Variants in LRPPRC observed in about 807,000 individuals in gnomAD.
LRPPRC encodes the protein leucine-rich PPR motif-containing protein, mitochondrial.
In LRPPRC, 120 loss-of-function variants were observed where a neutral mutation model predicts 180.3. The observed-to-expected ratio is 0.67, with a 90% CI of 0.57 to 0.77. The LOEUF is 0.77. Ranked by LOEUF, LRPPRC falls within the 30% of genes least tolerant of loss-of-function variation. LRPPRC has a pLI of 0.00. For synonymous variants in LRPPRC, 723 were observed against 600.0 expected, an observed-to-expected ratio of 1.21 and a Z score of -3.00; for missense variants, 2,012 against 1,657.2, an observed-to-expected ratio of 1.21 and a Z score of -3.72.
At chr2:43,960,755 T>C in intron 12 of LRPPRC, 121 bp from the exon 13 acceptor site, 1 of 706,858 alleles carries the variant, frequency 1.4e-6, no homozygotes, top group Non-Finnish European at 2.6e-6. Flanking sequence ...GAAAAATAGA[T>C]AAGCTCAGTA....
At chr2:43,896,061 C>A (rs1035966522) in intron 35 of LRPPRC, among the ~76,000 whole-genome samples, 37 of 151,864 alleles carry the variant, frequency 2.4e-4, no homozygotes, top group African/African-American at 8.5e-4. Context: ...GGCTCATTTA[C>A]CTGATGGTTT....
At chr2:43,969,455 C>A (rs967389597) in intron 11 of LRPPRC, among the ~76,000 whole-genome samples, 12 of 151,464 alleles carry the variant, frequency 7.9e-5, no homozygotes, top group Non-Finnish European at 1.8e-4. Flanking sequence ...CTGGCAGGTG[C>A]TTGTTACACT....
intron 30 of LRPPRC, among the ~76,000 whole-genome samples, chr2:43,906,010 C>T (rs1289697009): frequency 6.6e-6 from 1 of 151,866 alleles, no homozygotes; most frequent in Admixed American, 6.6e-5. Flanking sequence ...ACAAAAGAAA[C>T]AAAGTACAAG....
intron 13 of LRPPRC, among the ~76,000 whole-genome samples, chr2:43,958,771 A>G (rs538756499): frequency 1.1e-4 from 16 of 152,314 alleles, no homozygotes; most frequent in African/African-American, 3.6e-4. Flanking sequence ...TGATGTAGTA[A>G]CCAGTAGTGC....
intron 11 of LRPPRC, among the ~76,000 whole-genome samples, chr2:43,964,668 C>T (rs1304416388): frequency 1.3e-5 from 2 of 151,910 alleles, no homozygotes; most frequent in East Asian, 1.9e-4. Flanking sequence ...AATACCTGCA[C>T]ATTTCTTTTA....
chr2:43,995,068 CAGTCTCTACTAAA>C (rs944362345), intron 1 of LRPPRC, among the ~76,000 whole-genome samples: 8 of 152,060 alleles, frequency 5.3e-5, no homozygotes, highest in Admixed American at 1.3e-4. Context: ...TGGTGAAACC[CAGTCTCTACTAAA>C]AGTACAAAAG....
At chr2:43,918,782 T>TATATATATAGATATATATATATATATAG (rs1558937972) in intron 27 of LRPPRC, among the ~76,000 whole-genome samples, 3 of 35,452 alleles carry the variant, frequency 8.5e-5, no homozygotes, top group Non-Finnish European at 1.3e-4. Context: ...TGGAAATATA[T>TATATATATAGATATATATATATATATAG]ATATATATAG....
chr2:43,892,808 A>T (rs1351824504), intron 36 of LRPPRC: 3 of 143,640 alleles, frequency 2.1e-5, no homozygotes, highest in Non-Finnish European at 3.1e-5. Context: ...ACATAAAATT[A>T]AAAAAAAAAA....
At chr2:43,967,716 T>A (rs901644733) in intron 11 of LRPPRC, among the ~76,000 whole-genome samples, 4 of 152,128 alleles carry the variant, frequency 2.6e-5, no homozygotes, top group Non-Finnish European at 4.4e-5. Context: ...TAATGTTTTT[T>A]AAAATCCCTA....
At chr2:43,974,944 AACTATAAT>A in intron 7 of LRPPRC, 139 bp downstream of exon 7, 1 of 954,540 alleles carries the variant, frequency 1.0e-6, no homozygotes, top group African/African-American at 1.6e-5. Context: ...CGAGATACTA[AACTATAAT>A]AATTCTCCAT....
chr2:43,889,433 G>C (rs1448193067), intron 37 of LRPPRC, among the ~76,000 whole-genome samples: 3 of 151,762 alleles, frequency 2.0e-5, no homozygotes, highest in African/African-American at 4.8e-5. Flanking sequence ...TGAACTACAG[G>C]CCATTAAATC....
rs200686732 is a variant in LRPPRC at position 43,995,941 on chromosome 2, C to T, written c.7G>A (p.Ala3Thr). The T allele has an allele frequency of 7.3e-4, 1,116 of 1,526,144 alleles. 3 individuals carry two copies. Among genetic ancestry groups the T allele is most frequent in the African/African-American group, 1.3e-3 (91 of 71,696 alleles). The allele number at this position is 1,526,144 out of a possible 1,614,324, so 94.5% of individuals were successfully genotyped here. A position where few individuals can be genotyped will look rare whatever the true frequency, so the allele number is the denominator to read the frequency against. Residue 3 changes from alanine to threonine, a missense_variant, in exon 1 of 38, where the codon GCC (alanine) becomes ACC (threonine). Ala to Thr is a moderately conservative substitution (Grantham distance 58, BLOSUM62 0). Coordinates refer to ENST00000260665, the MANE Select transcript of LRPPRC (RefSeq NM_133259.4). ...AACCAACGCGCGGATCTCAGCAGGG[C>T]TGCCATTGCTCGAACGTCCCCGCAG... MA[A>T]LLRSARWLLR...
chr2:43,951,076 C>G (rs1672885570), intron 14 of LRPPRC, among the ~76,000 whole-genome samples: 1 of 152,124 alleles, frequency 6.6e-6, no homozygotes, highest in Non-Finnish European at 1.5e-5. Flanking sequence ...AGTGACTGCC[C>G]ACAGATTGCT....
At chr2:43,915,230 TCTCACACACACACACACACACACACACA>T (rs1394410147) in intron 29 of LRPPRC, among the ~76,000 whole-genome samples, 2 of 47,404 alleles carry the variant, frequency 4.2e-5, no homozygotes, top group African/African-American at 2.7e-4. Context: ...TCTCTCTCTC[TCTCACACACACACACACACACACACACA>T]CACACACACA....
intron 3 of LRPPRC, among the ~76,000 whole-genome samples, chr2:43,979,573 G>A (rs1490985598): frequency 2.6e-5 from 4 of 152,204 alleles, no homozygotes; most frequent in African/African-American, 9.6e-5. Flanking sequence ...AACTTTGACA[G>A]ACAAACCGGC....
intron 25 of LRPPRC, among the ~76,000 whole-genome samples, chr2:43,932,101 CT>C: frequency 1.4e-5 from 1 of 71,344 alleles, no homozygotes. Flanking sequence ...TACAGCCTGG[CT>C]AACAAAGCAA....
At chr2:43,986,397 TA>T (rs1264123912) in intron 1 of LRPPRC, among the ~76,000 whole-genome samples, 1 of 152,200 alleles carries the variant, frequency 6.6e-6, no homozygotes, top group Admixed American at 6.5e-5. Flanking sequence ...CCCAAAGTGC[TA>T]GGATTACAGG....
chr2:43,956,887 C>T (rs2103648050), intron 14 of LRPPRC, among the ~76,000 whole-genome samples: 1 of 152,146 alleles, frequency 6.6e-6, no homozygotes, highest in Non-Finnish European at 1.5e-5. Context: ...AAGACTCCGT[C>T]TCAAAAAAAT....
intron 14 of LRPPRC, among the ~76,000 whole-genome samples, chr2:43,951,729 G>A (rs1672909993): frequency 6.6e-6 from 1 of 152,134 alleles, no homozygotes. Context: ...CTACTTTCGT[G>A]AAGGTTTAAA....
Sources: gnomAD v4.1 joint callset for allele counts (sites outside exome capture counted in the v4.1 genomes callset) on GRCh38, gnomAD v4.1.1 for gene constraint, MANE v1.5 for transcripts, NCBI Gene and HGNC (gene_info 2026-07-23, HGNC 2026-07-21) for gene names.